The following IQGAP1 variants were observed in gnomAD, a reference collection of about 807,000 sequenced individuals.
IQGAP1 encodes IQ motif containing GTPase activating protein 1.
Under a neutral mutation model 215.6 loss-of-function variants are expected in IQGAP1, and 66 were observed. That is an observed-to-expected ratio of 0.31 (90% confidence interval 0.25 to 0.38). The LOEUF (loss-of-function observed/expected upper bound fraction) is 0.38. IQGAP1 is among the 10% of genes least tolerant of loss of function. The pLI is 1.00. For synonymous variants in IQGAP1, 772 were observed against 728.7 expected, an observed-to-expected ratio of 1.06 and a Z score of -0.96; for missense variants, 1,712 against 1,997.1, an observed-to-expected ratio of 0.86 and a Z score of 2.72.
Position 90,453,310 on chromosome 15 carries a change from A to G in IQGAP1, c.1487+18A>G, listed in dbSNP as rs753335718. ...TGTCAGAGGTGGGTGTCCAGAGTGA[A>G]GGGAATAAATCCATTACGTAGCTGT... On this transcript the variant is annotated intron_variant, in intron 13 of 37. Coordinates refer to ENST00000268182, the MANE Select transcript of IQGAP1 (RefSeq NM_003870.4). 2.5e-6 allele frequency: 4 copies of G among 1,598,000 alleles called. No individual in the cohort carries two copies. The South Asian group carries it at 3.4e-5, about 13-fold the overall frequency.
Position 90,473,710 on chromosome 15 carries a change from T to A in IQGAP1, c.2350-5T>A, listed in dbSNP as rs1464019013. 1 of 1,595,658 alleles carries A rather than the reference T, an allele frequency of 6.3e-7. No individual in the cohort carries two copies. The highest frequency in any genetic ancestry group is 8.6e-7 in the Non-Finnish European group (1 of 1,164,644). ...TATGTCTTCTGTAACATTTGACTGT[T>A]TCAGTCACAGTGGAGAGGATACAAG... On this transcript the variant is annotated splice_region_variant and splice_polypyrimidine_tract_variant and intron_variant, in intron 19 of 37. Coordinates refer to ENST00000268182, the MANE Select transcript of IQGAP1 (RefSeq NM_003870.4).
intron 3 of IQGAP1, among the ~76,000 whole-genome samples, chr15:90,428,177 A>G (rs2151014652): frequency 6.6e-6 from 1 of 152,094 alleles, no homozygotes; most frequent in South Asian, 2.1e-4. Context: ...GGCTCAAGCA[A>G]TCCTCCCACC....
Position 90,439,250 on chromosome 15 carries a change from A to T in IQGAP1, c.468-82A>T, listed in dbSNP as rs7177137. 0.16 allele frequency: 146,640 copies of T among 928,936 alleles called. 15,504 individuals are homozygous for T. Among genetic ancestry groups the T allele is most frequent in the African/African-American group, 0.47 (28,721 of 60,808 alleles). The allele number at this position is 928,936 out of a possible 1,614,324, so 57.5% of individuals were successfully genotyped here. On this transcript the variant is annotated intron_variant, in intron 5 of 37. Transcript: ENST00000268182. ...AGTGTTCAGAATACTTCTATTTTAT[A>T]CTTCATGCTGATTTTCGCCTTTTAA...
rs766276995 is a variant in IQGAP1, at chr15:90,426,166, G to C, written c.212G>C (p.Gly71Ala). ...CCTCCCACCACAGAACTGGAGGAGG[G>C]GCTTAGGAATGGGGTCTACCTTGCC... ...DLPPTTELEE[G>A]LRNGVYLAKL... The change falls in exon 3 of 38, where the codon GGG becomes GCG. Residue 71 changes from glycine (G) to alanine (A), a missense_variant. Transcript: ENST00000268182. The C allele has an allele frequency of 1.2e-6, 2 of 1,603,520 alleles. No homozygotes were observed. The highest frequency in any genetic ancestry group is 2.7e-5 in the African/African-American group (2 of 73,734).
At chr15:90,485,884 GTTAGTTTGCTGAGGATTTGCTTGTTGT>G in intron 30 of IQGAP1, 119 bp from the exon 31 acceptor site, 1 of 605,610 alleles carries the variant, frequency 1.7e-6, no homozygotes. Flanking sequence ...GTTTATTTGG[GTTAGTTTGCTGAGGATTTGCTTGTTGT>G]TTCTTTGAAT....
chr15:90,482,647 C>T lies in IQGAP1; in HGVS notation c.3555+366C>T, dbSNP rs550698216. On this transcript the variant is annotated intron_variant, in intron 28 of 37. Coordinates refer to ENST00000268182, the MANE Select transcript of IQGAP1 (RefSeq NM_003870.4). ...GATAACTCTTTCTTACTCAGCTATG[C>T]TCTTCTCTTTTCTTTTTTTTTTTAA... 8 of 689,822 alleles carry T rather than the reference C, an allele frequency of 1.2e-5. No individual in the cohort carries two copies. The South Asian group carries it at 2.5e-4, about 22-fold the overall frequency. The allele number at this position is 689,822 out of a possible 1,614,324, so 42.7% of individuals were successfully genotyped here.
At position 90,492,632 on chromosome 15, in the gene IQGAP1, G is replaced by A; in HGVS notation, c.4549G>A (p.Ala1517Thr). 6.2e-7 allele frequency: 1 copy of A among 1,614,082 alleles called. No homozygotes were observed. Among genetic ancestry groups the A allele is most frequent in the Middle Eastern group, 1.6e-4 (1 of 6,062 alleles). The change falls in exon 35 of 38, where the codon GCC (alanine) becomes ACC (threonine). Residue 1517 changes from alanine to threonine, a missense_variant. Around this residue, in one of 2 missense-constraint regions of IQGAP1, gnomAD observed 691 missense variants for 923.0 expected, o/e 0.75. Transcript: ENST00000268182. ...GACATACGCTGCTCTGAACTCTAAG[G>A]CCACCTTTTATGGGGAGCAGGTGGA... ...QQTYAALNSK[A>T]TFYGEQVDYY...
intron 15 of IQGAP1, among the ~76,000 whole-genome samples, chr15:90,461,293 C>G (rs1223811744): frequency 6.8e-6 from 1 of 146,202 alleles, no homozygotes; most frequent in Non-Finnish European, 1.5e-5. Context: ...GAGTGAAACT[C>G]CGTCTCAAAA....
chr15:90,454,741 C>T (rs144987700), intron 14 of IQGAP1, among the ~76,000 whole-genome samples, 189 bp downstream of exon 14: 8 of 152,250 alleles, frequency 5.3e-5, no homozygotes, highest in African/African-American at 1.9e-4. Flanking sequence ...AGGTATATGT[C>T]CAGTAAGAAC....
At chr15:90,453,068 T>C (rs878866606) in intron 12 of IQGAP1, 64 bp from the exon 13 acceptor site, 57 of 1,557,898 alleles carry the variant, frequency 3.7e-5, no homozygotes, top group Non-Finnish European at 4.9e-5. Flanking sequence ...ATTAAACTTA[T>C]AACTCCCTGG....
At chr15:90,416,946 G>T (rs1038297539) in intron 2 of IQGAP1, among the ~76,000 whole-genome samples, 2 of 152,098 alleles carry the variant, frequency 1.3e-5, no homozygotes, top group East Asian at 3.9e-4. Flanking sequence ...GTTTTGATTT[G>T]CATTTCTCTG....
chr15:90,495,925 GTTA>G (rs541106755), intron 36 of IQGAP1, among the ~76,000 whole-genome samples: 2,481 of 148,090 alleles, frequency 0.017, 70 homozygotes, highest in African/African-American at 0.057. Flanking sequence ...TTATTATTAT[GTTA>G]TTATTATTAT....
chr15:90,484,152 G>A, intron 29 of IQGAP1, 68 bp from the exon 30 acceptor site: 1 of 1,451,376 alleles, frequency 6.9e-7, no homozygotes, highest in Non-Finnish European at 9.5e-7. Context: ...AGAGGTTTGT[G>A]AAATGTCCTC....
chr15:90,443,141 T>G (rs544214123), intron 8 of IQGAP1, among the ~76,000 whole-genome samples: 14 of 152,258 alleles, frequency 9.2e-5, no homozygotes, highest in African/African-American at 3.4e-4. Context: ...AAAAGTTTTT[T>G]GTAGAGATGG....
chr15:90,389,824 G>C (rs1000019001), intron 1 of IQGAP1, among the ~76,000 whole-genome samples: 9 of 151,730 alleles, frequency 5.9e-5, no homozygotes, highest in Non-Finnish European at 1.3e-4. Flanking sequence ...AGGCGTGGTG[G>C]CCCATGCCTG....
At chr15:90,460,729 T>G (rs1374954440) in intron 15 of IQGAP1, among the ~76,000 whole-genome samples, 1 of 152,186 alleles carries the variant, frequency 6.6e-6, no homozygotes, top group Non-Finnish European at 1.5e-5. Flanking sequence ...CCGGGTGCAG[T>G]GGCTCATGCT....
chr15:90,452,260 A>G (rs1324259577), intron 11 of IQGAP1, among the ~76,000 whole-genome samples: 2 of 152,216 alleles, frequency 1.3e-5, no homozygotes, highest in Non-Finnish European at 2.9e-5. Context: ...GGATGGTGAA[A>G]GAGGTGAGAA....
intron 9 of IQGAP1, among the ~76,000 whole-genome samples, chr15:90,444,286 T>TGTGTG (rs1965495470): frequency 7.8e-6 from 1 of 127,838 alleles, no homozygotes; most frequent in African/African-American, 3.3e-5. Context: ...TGTGTATATA[T>TGTGTG]ATATTTTTTT....
At chr15:90,426,507 C>T (rs543815483) in intron 3 of IQGAP1, among the ~76,000 whole-genome samples, 1 of 142,168 alleles carries the variant, frequency 7.0e-6, no homozygotes, top group East Asian at 2.3e-4. Context: ...CCTGTCCCCC[C>T]ACAAAAAAAT....
Sources: allele counts gnomAD v4.1 joint callset (sites outside exome capture counted in the v4.1 genomes callset), GRCh38; gene constraint gnomAD v4.1.1; regional missense constraint gnomAD v4.1.1; transcripts MANE v1.5; gene names NCBI Gene and HGNC (gene_info 2026-07-23, HGNC 2026-07-21).